Variants in TATDN2 observed in about 807,000 individuals in gnomAD.
TATDN2 encodes the protein TatD DNase domain containing 2, also known as 3'-5' RNA nuclease TATDN2.
TATDN2 carries 44 observed loss-of-function variants against 60.3 expected under a neutral mutation model. The observed-to-expected ratio is 0.73, with a 90% CI of 0.57 to 0.94. TATDN2 has a LOEUF of 0.94. Ranked by LOEUF, TATDN2 falls within the 40% of genes least tolerant of loss-of-function variation. The probability of loss-of-function intolerance (pLI) is 0.00; values close to 1 mark genes in which losing one functional copy is unlikely to be tolerated. For missense variants in TATDN2, 997 were observed against 948.0 expected (o/e 1.05, Z -0.68); for synonymous variants, 399 against 355.8 (o/e 1.12, Z -1.37).
chr3:10,255,099 C>G (rs1465137107), intron 2 of TATDN2, among the ~76,000 whole-genome samples: 1 of 148,464 alleles, frequency 6.7e-6, no homozygotes, highest in Non-Finnish European at 1.5e-5. Flanking sequence ...CATCCTTGAC[C>G]TCCTGGCTCA....
intron 2 of TATDN2, among the ~76,000 whole-genome samples, chr3:10,250,230 A>G (rs372348785): frequency 7.0e-6 from 1 of 143,742 alleles, no homozygotes; most frequent in Non-Finnish European, 1.5e-5. Context: ...GGAAACATGC[A>G]AGAGGGTTTC....
In TATDN2 at chr3:10,263,752, C is replaced by T. The variant is rs113303722; in HGVS notation, c.948+3082C>T. On this transcript the variant is annotated intron_variant, in intron 3 of 7. Coordinates refer to ENST00000448281, the MANE Select transcript of TATDN2 (RefSeq NM_014760.4). ...TTGATCTCTTCTGTGTTAGAGGCTG[C>T]CTTCACATGTCTGGTAATCTTTGGT... Among the ~76,000 whole-genome samples, 171 of 152,238 alleles carry T rather than the reference C, an allele frequency of 1.1e-3. 3 individuals carry two copies. Among genetic ancestry groups the T allele is most frequent in the African/African-American group, 3.8e-3 (158 of 41,530 alleles).
intron 2 of TATDN2, 38 bp from the exon 3 acceptor site, chr3:10,260,099 T>A (rs1352580019): frequency 8.3e-6 from 13 of 1,573,244 alleles, no homozygotes; most frequent in Non-Finnish European, 1.1e-5. Flanking sequence ...GAAAGTGCCC[T>A]TGGAACAGCC....
chr3:10,278,601 G>A lies in TATDN2; in HGVS notation c.2145+139G>A, dbSNP rs1698672663. The A allele has an allele frequency of 1.6e-6, 2 of 1,229,034 alleles. No individual in the cohort carries two copies. The highest frequency in any genetic ancestry group is 1.5e-5 in the African/African-American group (1 of 67,446). 76.1% of individuals were successfully genotyped at this position (1,229,034 alleles called of 1,614,324 possible). A position where few individuals can be genotyped will look rare whatever the true frequency, so the allele number is the denominator to read the frequency against. ...TGGGCTGTGTAGATGCCTCCTTGCT[G>A]TTACTCTGCAGAACCAAAAGTCTAG... On this transcript the variant is annotated intron_variant, in intron 6 of 7. Transcript: ENST00000448281. The surrounding 1 kb of genome is among the most constrained non-coding windows in gnomAD (Gnocchi z 4.7).
intron 2 of TATDN2, among the ~76,000 whole-genome samples, chr3:10,254,278 C>T (rs534440980): frequency 3.3e-5 from 5 of 152,132 alleles, no homozygotes; most frequent in South Asian, 2.1e-4. Context: ...GGGGAATGAG[C>T]GACTGACCAT....
Position 10,260,502 on chromosome 3 carries a change from G to A in TATDN2, c.780G>A (p.Glu260=). Residue 260 remains glutamate, a synonymous_variant, in exon 3 of 8, where the codon GAG becomes GAA. Transcript: ENST00000448281. Reference sequence around the variant, plus strand: ...CAACCCCAGAGGTCAGCATGGAGGAGGATAAGACAGTGCCAGAGAGGAGCA... The same window carrying A: ...CAACCCCAGAGGTCAGCATGGAGGAAGATAAGACAGTGCCAGAGAGGAGCA... The part of the protein sequence containing the change: ...KDATPEVSME[E]DKTVPERSSF... 1 of 1,614,098 alleles carries A rather than the reference G, an allele frequency of 6.2e-7. No homozygotes were observed. Among genetic ancestry groups the A allele is most frequent in the Non-Finnish European group, 8.5e-7 (1 of 1,179,954 alleles).
At chr3:10,254,084 C>G (rs1698268515) in intron 2 of TATDN2, among the ~76,000 whole-genome samples, 1 of 152,210 alleles carries the variant, frequency 6.6e-6, no homozygotes, top group African/African-American at 2.4e-5. Context: ...AGTGATAGAG[C>G]TTTTGCACAT....
At chr3:10,257,207 A>G in intron 2 of TATDN2, among the ~76,000 whole-genome samples, 1 of 150,556 alleles carries the variant, frequency 6.6e-6, no homozygotes, top group Non-Finnish European at 1.5e-5. Context: ...AATTGCTTGA[A>G]CCTCAGAGGC....
At position 10,248,969 on chromosome 3, in the gene TATDN2, A is replaced by T; in HGVS notation, c.-105A>T. ...CGTTGTGGGCTTGGAAACCGACGGC[A>T]GCCTTTAGTCAATTTTGGATCGCTT... On this transcript the variant is annotated 5_prime_UTR_variant, in exon 1 of 8. Coordinates refer to ENST00000448281, the MANE Select transcript of TATDN2 (RefSeq NM_014760.4). The T allele has an allele frequency of 2.3e-6, 1 of 437,646 alleles. No homozygotes were observed. The allele number at this position is 437,646 out of a possible 1,614,324, so 27.1% of individuals were successfully genotyped here.
intron 3 of TATDN2, among the ~76,000 whole-genome samples, chr3:10,266,483 C>T (rs1698476092): frequency 6.6e-6 from 1 of 152,164 alleles, no homozygotes; most frequent in Admixed American, 6.5e-5. Flanking sequence ...AAATCCTGGC[C>T]CTGCCACTCG....
At chr3:10,268,677 C>G (rs964113100) in intron 3 of TATDN2, among the ~76,000 whole-genome samples, 5 of 152,180 alleles carry the variant, frequency 3.3e-5, no homozygotes, top group Non-Finnish European at 7.3e-5. Flanking sequence ...CCTTAAAAAT[C>G]TGTTTTTAAA....
chr3:10,260,246 G>C lies in TATDN2; in HGVS notation c.524G>C (p.Arg175Thr). The change falls in exon 3 of 8, where the codon AGG becomes ACG. Residue 175 changes from arginine (R) to threonine (T), a missense_variant. Arg to Thr is a moderately conservative substitution (Grantham distance 71). Coordinates refer to ENST00000448281, the MANE Select transcript of TATDN2 (RefSeq NM_014760.4). ...CCCAACAAGGTCCAGAAAAGGAAGA[G>C]GGATAGACTTCGAGACCAGGGCTCC... ...EEPNKVQKRK[R>T]DRLRDQGSTM... 1 of 1,614,170 alleles carries C rather than the reference G, an allele frequency of 6.2e-7. No individual in the cohort carries two copies. The highest frequency in any genetic ancestry group is 8.5e-7 in the Non-Finnish European group (1 of 1,180,040).
At chr3:10,267,700 T>C (rs1484342053) in intron 3 of TATDN2, among the ~76,000 whole-genome samples, 1 of 152,242 alleles carries the variant, frequency 6.6e-6, no homozygotes, top group African/African-American at 2.4e-5. Context: ...AGTCATCATA[T>C]CACATTGAGG....
At chr3:10,274,218 C>G (rs1698604196) in intron 4 of TATDN2, among the ~76,000 whole-genome samples, 1 of 152,120 alleles carries the variant, frequency 6.6e-6, no homozygotes, top group Non-Finnish European at 1.5e-5. Context: ...CTAATGAGTT[C>G]TTCTTCCTTC....
intron 2 of TATDN2, among the ~76,000 whole-genome samples, chr3:10,255,510 T>C (rs1190658154): frequency 6.6e-6 from 1 of 151,530 alleles, no homozygotes; most frequent in Non-Finnish European, 1.5e-5. Context: ...ATTATTATAC[T>C]CCTAATTTTT....
intron 3 of TATDN2, among the ~76,000 whole-genome samples, chr3:10,261,420 G>A (rs907131648): frequency 6.6e-5 from 10 of 150,550 alleles, no homozygotes; most frequent in African/African-American, 2.4e-4. Context: ...GCCCAGGCTG[G>A]AGTGCGATGG....
chr3:10,253,472 T>G (rs2125171505), intron 2 of TATDN2, among the ~76,000 whole-genome samples: 1 of 152,354 alleles, frequency 6.6e-6, no homozygotes, highest in South Asian at 2.1e-4. Context: ...CGTTCCCTTC[T>G]TACCTCCAGG....
chr3:10,267,122 T>C (rs1458533083), intron 3 of TATDN2, among the ~76,000 whole-genome samples: 1 of 151,986 alleles, frequency 6.6e-6, no homozygotes, highest in African/African-American at 2.4e-5. Flanking sequence ...GGTTTTGCCA[T>C]GTTGCCCAGG....
chr3:10,260,636 T>C lies in TATDN2; in HGVS notation c.914T>C (p.Leu305Ser). 6.2e-7 allele frequency: 1 copy of C among 1,614,066 alleles called. No homozygotes were observed. ...AAATGCTCTCCACCCCTAGAGTTCT[T>C]GGATGACTCTGACTCTCATTTAGAA... ...IDKCSPPLEF[L>S]DDSDSHLEIQ... The change falls in exon 3 of 8, where the codon TTG (leucine) becomes TCG (serine). Residue 305 changes from leucine to serine, a missense_variant. By Grantham distance (145) the Leu-to-Ser change is moderately radical. Transcript: ENST00000448281.
Sources: gnomAD v4.1 joint callset for allele counts (sites outside exome capture counted in the v4.1 genomes callset) on GRCh38, gnomAD v4.1.1 for gene constraint, Gnocchi (gnomAD v3.1) non-coding constraint, MANE v1.5 for transcripts, NCBI Gene and HGNC (gene_info 2026-07-23, HGNC 2026-07-21) for gene names.